The following ARMH3 variants were observed in gnomAD, a reference collection of about 807,000 sequenced individuals.
ARMH3 encodes the protein armadillo-like helical domain-containing protein 3.
Under a neutral mutation model 99.1 loss-of-function variants are expected in ARMH3, and 60 were observed. The ratio of observed to expected loss-of-function variants is 0.61; its 90% CI spans 0.49 to 0.75. ARMH3 has a LOEUF of 0.75. Among genes scored for constraint, ARMH3 ranks in the 30% least tolerant of loss-of-function variants. The pLI is 0.00. For synonymous variants in ARMH3, 285 were observed against 292.8 expected (o/e 0.97, Z 0.27); for missense variants, 679 against 843.1 (o/e 0.81, Z 2.41).
At chr10:101,991,848 A>G (rs1490381312) in intron 18 of ARMH3, 121 bp downstream of exon 18, 2 of 1,054,186 alleles carry the variant, frequency 1.9e-6, no homozygotes, top group Non-Finnish European at 2.8e-6. Flanking sequence ...AGGCCAGGGA[A>G]AAAACACAAC....
chr10:101,908,507 A>T (rs939065860), intron 23 of ARMH3, among the ~76,000 whole-genome samples: 2 of 152,152 alleles, frequency 1.3e-5, no homozygotes, highest in Non-Finnish European at 2.9e-5. Flanking sequence ...CCAGTAATAC[A>T]TCCTCCTTTC....
intron 24 of ARMH3, among the ~76,000 whole-genome samples, chr10:101,886,897 AGGGG>A (rs1178135712): frequency 6.6e-6 from 1 of 152,168 alleles, no homozygotes; most frequent in Non-Finnish European, 1.5e-5. Flanking sequence ...GTTTTATTTT[AGGGG>A]TACTTTAGAA....
intron 23 of ARMH3, among the ~76,000 whole-genome samples, chr10:101,903,905 C>A (rs1304535216): frequency 6.6e-6 from 1 of 152,224 alleles, no homozygotes. Flanking sequence ...CAGGCCAGGG[C>A]AGGTTCTCTA....
intron 15 of ARMH3, among the ~76,000 whole-genome samples, chr10:101,996,337 A>C (rs1354123268): frequency 1.3e-5 from 2 of 152,268 alleles, no homozygotes; most frequent in African/African-American, 4.8e-5. Context: ...ATTTACCCTG[A>C]CATTGACCTG....
At chr10:101,865,253 A>C (rs1410062807) in intron 24 of ARMH3, among the ~76,000 whole-genome samples, 1 of 151,812 alleles carries the variant, frequency 6.6e-6, no homozygotes, top group African/African-American at 2.4e-5. Flanking sequence ...AAACAAAAAG[A>C]GTAAGAAAAC....
chr10:101,875,552 A>C (rs1564710128), intron 24 of ARMH3, among the ~76,000 whole-genome samples: 1 of 152,106 alleles, frequency 6.6e-6, no homozygotes, highest in Non-Finnish European at 1.5e-5. Flanking sequence ...ATACTTCAGG[A>C]CCAAACCCAG....
At chr10:101,925,084 G>C (rs571143934) in intron 23 of ARMH3, among the ~76,000 whole-genome samples, 5 of 152,190 alleles carry the variant, frequency 3.3e-5, no homozygotes, top group African/African-American at 1.2e-4. Context: ...AACTGAACAA[G>C]TGTAGGACGG....
chr10:101,946,769 A>C (rs1319352506), intron 22 of ARMH3, among the ~76,000 whole-genome samples: 1 of 152,110 alleles, frequency 6.6e-6, no homozygotes, highest in African/African-American at 2.4e-5. Context: ...AGAAGGGCTA[A>C]AGACTTCCCC....
At chr10:101,981,968 G>A (rs34642364) in intron 19 of ARMH3, among the ~76,000 whole-genome samples, 30,619 of 141,210 alleles carry the variant, frequency 0.22, 3,879 homozygotes, top group Non-Finnish European at 0.29. Flanking sequence ...CTTGCAGTGA[G>A]CCAAGATCGC....
chr10:102,017,369 G>A (rs2066772865), intron 8 of ARMH3, among the ~76,000 whole-genome samples: 1 of 152,088 alleles, frequency 6.6e-6, no homozygotes, highest in Non-Finnish European at 1.5e-5. Context: ...TGAAAGACTA[G>A]AGATGCATAC....
chr10:101,974,203 C>T (rs1041186799), intron 20 of ARMH3, among the ~76,000 whole-genome samples: 1 of 152,198 alleles, frequency 6.6e-6, no homozygotes, highest in African/African-American at 2.4e-5. Flanking sequence ...AATCCATTAA[C>T]TAAAGATCTC....
At chr10:102,045,044 G>A (rs763757312) in intron 1 of ARMH3, among the ~76,000 whole-genome samples, 7 of 150,562 alleles carry the variant, frequency 4.6e-5, no homozygotes, top group Non-Finnish European at 1.0e-4. Context: ...GCTGAAACAG[G>A]AGGATGTCTT....
At chr10:101,916,390 C>T (rs1352120115) in intron 23 of ARMH3, among the ~76,000 whole-genome samples, 1 of 151,654 alleles carries the variant, frequency 6.6e-6, no homozygotes, top group African/African-American at 2.4e-5. Flanking sequence ...CACTCAAAAA[C>T]AAACAAACAA....
intron 1 of ARMH3, among the ~76,000 whole-genome samples, chr10:102,041,114 T>C (rs987326104): frequency 4.4e-5 from 6 of 136,916 alleles, no homozygotes; most frequent in African/African-American, 1.6e-4. Context: ...TATATATATG[T>C]AGGTAAAACA....
intron 20 of ARMH3, among the ~76,000 whole-genome samples, chr10:101,957,943 T>C (rs1442685191): frequency 6.6e-6 from 1 of 152,168 alleles, no homozygotes; most frequent in African/African-American, 2.4e-5. Flanking sequence ...CATGGAAGGT[T>C]TTGAAATAGC....
chr10:102,000,372 G>A (rs746927408), intron 15 of ARMH3, among the ~76,000 whole-genome samples: 5 of 152,048 alleles, frequency 3.3e-5, no homozygotes, highest in Non-Finnish European at 7.3e-5. Context: ...ATTTATAGAG[G>A]CAGAAAGCAG....
intron 1 of ARMH3, among the ~76,000 whole-genome samples, chr10:102,054,735 C>A (rs1362979975): frequency 6.6e-6 from 1 of 152,184 alleles, no homozygotes; most frequent in Admixed American, 6.5e-5. Context: ...GTGGCTCACA[C>A]CTGTAATCCG....
At chr10:101,869,314 C>T (rs1458058830) in intron 24 of ARMH3, among the ~76,000 whole-genome samples, 3 of 152,156 alleles carry the variant, frequency 2.0e-5, no homozygotes, top group Non-Finnish European at 1.5e-5. Context: ...GGAACACATT[C>T]TTTTCAAATG....
At chr10:101,949,692 C>A (rs1198921896) in intron 22 of ARMH3, among the ~76,000 whole-genome samples, 1 of 152,038 alleles carries the variant, frequency 6.6e-6, no homozygotes, top group African/African-American at 2.4e-5. Context: ...AGAAGATGAG[C>A]AATGAGAGAA....
Sources: allele counts gnomAD v4.1 joint callset (sites outside exome capture counted in the v4.1 genomes callset), GRCh38; gene constraint gnomAD v4.1.1; transcripts MANE v1.5; gene names NCBI Gene and HGNC (gene_info 2026-07-23, HGNC 2026-07-21).